ABCG2: variants seen among roughly 807,000 people sequenced by gnomAD.
ABCG2 encodes ATP binding cassette subfamily G member 2 (JR blood group).
ABCG2 carries 80 observed loss-of-function variants against 73.5 expected under a neutral mutation model. That is an observed-to-expected ratio of 1.09 (90% CI 0.91 to 1.31). The LOEUF (loss-of-function observed/expected upper bound fraction) is 1.31. ABCG2 is among the 50% of genes most tolerant of loss of function. The pLI, the probability that ABCG2 is intolerant of heterozygous loss-of-function variation, is 0.00. For synonymous variants in ABCG2, 269 were observed against 282.4 expected, an observed-to-expected ratio of 0.95 and a Z score of 0.48; for missense variants, 796 against 786.2, an observed-to-expected ratio of 1.01 and a Z score of -0.15.
chr4:88,152,858 TA>T (rs1188577993), intron 1 of ABCG2, among the ~76,000 whole-genome samples: 1 of 151,946 alleles, frequency 6.6e-6, no homozygotes, highest in Non-Finnish European at 1.5e-5. Context: ...CAAGTGGGAT[TA>T]GGGGCGGCGT....
intron 1 of ABCG2, among the ~76,000 whole-genome samples, chr4:88,145,732 G>T (rs2110064497): frequency 6.6e-6 from 1 of 152,266 alleles, no homozygotes; most frequent in South Asian, 2.1e-4. Flanking sequence ...TTGAGGTCAG[G>T]AGTTCAAGAC....
chr4:88,194,523 C>T (rs945326692), intron 1 of ABCG2, among the ~76,000 whole-genome samples: 1 of 125,088 alleles, frequency 8.0e-6, no homozygotes, highest in African/African-American at 3.2e-5. Context: ...GCACTCCAGC[C>T]TGGGCGACAG....
intron 1 of ABCG2, among the ~76,000 whole-genome samples, chr4:88,152,801 G>A (rs539997423): frequency 8.6e-5 from 13 of 151,794 alleles, no homozygotes; most frequent in South Asian, 4.2e-4. Context: ...GAAAATTTTT[G>A]GGGGGTGGTA....
At position 88,155,042 on chromosome 4, in the gene ABCG2, G is replaced by A. The variant is rs181824808; in HGVS notation, c.-20+3344C>T. Among the ~76,000 whole-genome samples, 16 of 152,288 alleles carry A rather than the reference G, an allele frequency of 1.1e-4. No individual in the cohort carries two copies. In the East Asian group the frequency reaches 2.7e-3, roughly 26 times the overall value. On this transcript the variant is annotated intron_variant, in intron 1 of 15. Transcript: ENST00000237612. ...GCCCTGCACTTCGGCTGTGTGTAAT[G>A]AAAAGGGTTGGGATGAGTCAGGGAG...
chr4:88,147,575 G>A (rs2110067454), intron 1 of ABCG2, among the ~76,000 whole-genome samples: 1 of 152,258 alleles, frequency 6.6e-6, no homozygotes, highest in Non-Finnish European at 1.5e-5. Context: ...TAAAAGCAGG[G>A]AACTATTTTT....
intron 9 of ABCG2, among the ~76,000 whole-genome samples, 162 bp downstream of exon 9, chr4:88,113,140 CT>C (rs1723255231): frequency 1.3e-5 from 2 of 152,138 alleles, no homozygotes; most frequent in Non-Finnish European, 2.9e-5. Flanking sequence ...AAAAGTAAAA[CT>C]TAATTGTCCT....
intron 1 of ABCG2, among the ~76,000 whole-genome samples, chr4:88,211,357 T>TCCCCCCCCCCCCCCCC (rs1560460419): frequency 5.3e-5 from 1 of 18,888 alleles, no homozygotes; most frequent in African/African-American, 1.6e-4. Context: ...GTTCAACCCC[T>TCCCCCCCCCCCCCCCC]GCCCCACCCC....
intron 6 of ABCG2, among the ~76,000 whole-genome samples, chr4:88,119,194 T>C (rs1371355051): frequency 6.6e-6 from 1 of 152,242 alleles, no homozygotes; most frequent in African/African-American, 2.4e-5. Context: ...CCTGCTGCCA[T>C]GTACAACATG....
At chr4:88,131,942 G>A (rs1445067200) in intron 3 of ABCG2, 25 bp from the exon 4 acceptor site, 3 of 1,550,360 alleles carry the variant, frequency 1.9e-6, no homozygotes, top group South Asian at 2.2e-5. Flanking sequence ...ATATGTTGTG[G>A]GTCTAATAAC....
intron 13 of ABCG2, 64 bp from the exon 14 acceptor site, chr4:88,095,673 T>G (rs1472404303): frequency 2.3e-6 from 3 of 1,311,480 alleles, no homozygotes; most frequent in Non-Finnish European, 3.3e-6. Flanking sequence ...TTCTAGAGAA[T>G]ACCCTCTTCA....
At chr4:88,096,379 A>G (rs887008911) in intron 13 of ABCG2, among the ~76,000 whole-genome samples, 2 of 152,244 alleles carry the variant, frequency 1.3e-5, no homozygotes, top group African/African-American at 4.8e-5. Context: ...CATATAACAC[A>G]GCATCTCTGA....
intron 1 of ABCG2, chr4:88,220,532 T>C: frequency 6.6e-6 from 1 of 152,576 alleles, no homozygotes; most frequent in Non-Finnish European, 1.5e-5. Flanking sequence ...ATGTGTTTAT[T>C]GGGGTGGCTT....
chr4:88,129,907 T>G (rs1724727031), intron 5 of ABCG2, among the ~76,000 whole-genome samples: 1 of 152,202 alleles, frequency 6.6e-6, no homozygotes, highest in African/African-American at 2.4e-5. Context: ...GGAGTTACTT[T>G]GTCTCTCTTG....
chr4:88,102,757 A>T (rs1353282718), intron 10 of ABCG2, among the ~76,000 whole-genome samples: 3 of 152,160 alleles, frequency 2.0e-5, no homozygotes, highest in Admixed American at 2.0e-4. Flanking sequence ...ACTGAAAAAG[A>T]GGTAAGTGAC....
intron 1 of ABCG2, among the ~76,000 whole-genome samples, chr4:88,202,749 C>T (rs1729233827): frequency 6.6e-6 from 1 of 151,984 alleles, no homozygotes; most frequent in Non-Finnish European, 1.5e-5. Flanking sequence ...ATCCTAGCTA[C>T]TCAGGAGGCT....
chr4:88,204,831 C>T (rs774840796), intron 1 of ABCG2, among the ~76,000 whole-genome samples: 5 of 152,134 alleles, frequency 3.3e-5, no homozygotes, highest in African/African-American at 4.8e-5. Context: ...GTTTTGGAGG[C>T]AGTGGGGATT....
intron 1 of ABCG2, among the ~76,000 whole-genome samples, chr4:88,152,490 T>G (rs1364966395): frequency 2.6e-5 from 4 of 151,608 alleles, no homozygotes; most frequent in East Asian, 3.9e-4. Flanking sequence ...GTAAAGGGGG[T>G]TTGTTCTCTG....
intron 1 of ABCG2, among the ~76,000 whole-genome samples, chr4:88,194,092 CT>C (rs1560749081): frequency 6.6e-6 from 1 of 152,202 alleles, no homozygotes; most frequent in Non-Finnish European, 1.5e-5. Context: ...AGATGTTCCA[CT>C]TCCTTTTTCA....
upstream of ABCG2, among the ~76,000 whole-genome samples, chr4:88,161,792 T>C (rs1218463719): frequency 1.1e-5 from 1 of 93,476 alleles, no homozygotes; most frequent in African/African-American, 4.4e-5. Context: ...CCACCAACAG[T>C]GTAAAAGTGT....
Sources: gnomAD v4.1 joint callset for allele counts (sites outside exome capture counted in the v4.1 genomes callset) on GRCh38, gnomAD v4.1.1 for gene constraint, MANE v1.5 for transcripts, NCBI Gene and HGNC (gene_info 2026-07-23, HGNC 2026-07-21) for gene names.